Variants in MTRR observed in about 807,000 individuals in gnomAD.
MTRR encodes methionine synthase reductase.
MTRR carries 63 observed loss-of-function variants against 79.2 expected under a neutral mutation model. The observed-to-expected ratio is 0.80, with a 90% confidence interval of 0.65 to 0.98. The LOEUF (loss-of-function observed/expected upper bound fraction) is 0.98, where lower values mean the gene tolerates loss of function less well. Among genes scored for constraint, MTRR ranks in the 50% least tolerant of loss-of-function variants. The pLI, the probability that MTRR is intolerant of heterozygous loss-of-function variation, is 0.00. For missense variants in MTRR, 895 were observed against 839.6 expected, an observed-to-expected ratio of 1.07 and a Z score of -0.82; for synonymous variants, 355 against 313.3, an observed-to-expected ratio of 1.13 and a Z score of -1.41.
Position 7,885,737 on chromosome 5 carries a change from A to T in MTRR, c.940A>T (p.Ser314Cys). ...DFSYQPGDAF[S>C]VICPNSDSEV... ...TTCCTATCAGCCTGGAGATGCCTTCAGCGTGATCTGCCCTAACAGTGATTC... is the reference window on the plus strand; with the variant it reads ...TTCCTATCAGCCTGGAGATGCCTTCTGCGTGATCTGCCCTAACAGTGATTC... Residue 314 changes from serine (S) to cysteine (C), a missense_variant, in exon 7 of 15, where the codon AGC becomes TGC. Ser to Cys is a moderately radical substitution (Grantham distance 112, BLOSUM62 -1). Coordinates refer to ENST00000440940, the MANE Select transcript of MTRR (RefSeq NM_002454.3). The T allele has an allele frequency of 6.2e-7, 1 of 1,613,202 alleles. No individual in the cohort carries two copies. The highest frequency in any genetic ancestry group is 2.2e-5 in the East Asian group (1 of 44,872).
chr5:7,892,187 T>C (rs1339700717), intron 10 of MTRR, among the ~76,000 whole-genome samples: 3 of 152,220 alleles, frequency 2.0e-5, no homozygotes, highest in East Asian at 1.9e-4. Context: ...CACCATTCTT[T>C]TGGTTGAAAG....
chr5:7,859,513 T>A, intron 1 of MTRR: 1 of 1,605,582 alleles, frequency 6.2e-7, no homozygotes, highest in African/African-American at 1.3e-5. Flanking sequence ...GTCTTGATTT[T>A]AGCATCCCAA....
chr5:7,850,898 T>A (rs759074358), upstream of MTRR: 5 of 1,355,508 alleles, frequency 3.7e-6, no homozygotes, highest in Non-Finnish European at 2.9e-6. Flanking sequence ...TAGTAGTAGC[T>A]GTGCTCTTTG....
chr5:7,891,828 GT>G (rs895391275), intron 10 of MTRR, among the ~76,000 whole-genome samples: 1 of 152,100 alleles, frequency 6.6e-6, no homozygotes, highest in Admixed American at 6.5e-5. Context: ...GGATCATGAG[GT>G]CAGGAGATCA....
intron 10 of MTRR, 61 bp downstream of exon 10, chr5:7,891,475 T>C (rs1186624546): frequency 1.5e-6 from 2 of 1,360,822 alleles, no homozygotes; most frequent in Admixed American, 1.7e-5. Flanking sequence ...GACTCAGGCT[T>C]CCAGATCATT....
intron 2 of MTRR, among the ~76,000 whole-genome samples, chr5:7,862,232 TAGA>T (rs1258948797): frequency 2.0e-5 from 3 of 152,156 alleles, no homozygotes. Context: ...CTCATCAAGT[TAGA>T]AGAACTGTAA....
intron 1 of MTRR, among the ~76,000 whole-genome samples, chr5:7,852,023 T>C (rs1362552697): frequency 2.6e-4 from 40 of 152,216 alleles, no homozygotes. Context: ...TGGCAATCCC[T>C]TCCAAGCCAA....
intron 8 of MTRR, among the ~76,000 whole-genome samples, chr5:7,887,507 A>G (rs1736685631): frequency 6.8e-6 from 1 of 147,324 alleles, no homozygotes; most frequent in East Asian, 1.9e-4. Flanking sequence ...TGAGTAAAGT[A>G]CTTTAGAGAG....
At chr5:7,866,494 G>C, upstream of MTRR, 1 of 645,712 alleles carries the variant, frequency 1.5e-6, no homozygotes, top group East Asian at 2.6e-5. Context: ...CTTTAACTGT[G>C]TTTATGCCAG....
At chr5:7,873,889 A>G (rs2126666286) in intron 3 of MTRR, among the ~76,000 whole-genome samples, 1 of 152,340 alleles carries the variant, frequency 6.6e-6, no homozygotes, top group Admixed American at 6.5e-5. Flanking sequence ...AGAACAAAAC[A>G]AAACACTCCC....
At chr5:7,874,712 A>G (rs1313615801) in intron 3 of MTRR, among the ~76,000 whole-genome samples, 1 of 149,286 alleles carries the variant, frequency 6.7e-6, no homozygotes, top group African/African-American at 2.5e-5. Flanking sequence ...TTCTTTCTAT[A>G]TCAGGAGTCA....
chr5:7,892,824 A>C lies in MTRR; in HGVS notation c.1468A>C (p.Thr490Pro). 1 of 1,614,222 alleles carries C rather than the reference A, an allele frequency of 6.2e-7. No individual in the cohort carries two copies. The highest frequency in any genetic ancestry group is 8.5e-7 in the Non-Finnish European group (1 of 1,180,034). ...TTEVLRKGVC[T>P]GWLALLVASV... is the part of the protein sequence containing the mutation. ...AGAGGTTCTGCGGAAGGGAGTATGT[A>C]CAGGCTGGCTGGCCTTGTTGGTTGC... Residue 490 changes from threonine to proline, a missense_variant, in exon 11 of 15, where the codon ACA becomes CCA. Thr to Pro is a conservative substitution (Grantham distance 38, BLOSUM62 -1). Transcript: ENST00000440940.
chr5:7,891,448 G>T, intron 10 of MTRR, 34 bp downstream of exon 10: 1 of 1,565,960 alleles, frequency 6.4e-7, no homozygotes, highest in Non-Finnish European at 8.8e-7. Context: ...ATATAGCATT[G>T]TTTCTCCAAA....
intron 2 of MTRR, chr5:7,862,747 C>G (rs1208954644): frequency 1.6e-6 from 2 of 1,273,254 alleles, no homozygotes; most frequent in African/African-American, 3.0e-5. Context: ...ACTTCTATTG[C>G]TTCTAAGTCC....
chr5:7,876,106 G>A (rs1307339931), intron 4 of MTRR, among the ~76,000 whole-genome samples: 2 of 152,126 alleles, frequency 1.3e-5, no homozygotes, highest in African/African-American at 4.8e-5. Context: ...CTATGTTACT[G>A]AATAATCTGT....
intron 4 of MTRR, among the ~76,000 whole-genome samples, chr5:7,875,668 G>T (rs902051134): frequency 1.3e-5 from 2 of 152,200 alleles, no homozygotes; most frequent in Non-Finnish European, 2.9e-5. Context: ...GCAGAAATCA[G>T]CTTGTTCTTT....
At chr5:7,887,263 A>G (rs1736643354) in intron 8 of MTRR, among the ~76,000 whole-genome samples, 1 of 149,678 alleles carries the variant, frequency 6.7e-6, no homozygotes, top group Admixed American at 6.6e-5. Context: ...TTGGAGGTAG[A>G]ATAATCCACT....
chr5:7,862,682 G>A (rs1457608166), intron 2 of MTRR: 2 of 708,294 alleles, frequency 2.8e-6, no homozygotes, highest in South Asian at 1.9e-5. Context: ...CGGCTCTGCT[G>A]CTAACCCCAA....
At chr5:7,889,317 C>T in intron 9 of MTRR, 42 bp downstream of exon 9, 2 of 1,610,232 alleles carry the variant, frequency 1.2e-6, no homozygotes, top group Non-Finnish European at 1.7e-6. Flanking sequence ...GCTGTTCGTG[C>T]ACTGGTAGGC....
Sources: gnomAD v4.1 joint callset for allele counts (sites outside exome capture counted in the v4.1 genomes callset) on GRCh38, gnomAD v4.1.1 for gene constraint, MANE v1.5 for transcripts, NCBI Gene and HGNC (gene_info 2026-07-23, HGNC 2026-07-21) for gene names.